The following RANBP2 variants were observed in gnomAD, a reference collection of about 807,000 sequenced individuals.
The protein encoded by RANBP2 is E3 SUMO-protein ligase RanBP2.
In RANBP2, 57 loss-of-function variants were observed where a neutral mutation model predicts 303.6. The observed-to-expected ratio is 0.19, with a 90% confidence interval of 0.15 to 0.23. The LOEUF is 0.23. RANBP2 is among the 10% of genes least tolerant of loss of function. The pLI is 1.00. For synonymous variants in RANBP2, 1,167 were observed against 1,301.5 expected, an observed-to-expected ratio of 0.90 and a Z score of 2.23; for missense variants, 3,138 against 3,780.8, an observed-to-expected ratio of 0.83 and a Z score of 4.46.
chr2:109,600,920 A>T, the RANBP2 span, among the ~76,000 whole-genome samples: 4 of 152,262 alleles, frequency 2.6e-5, no homozygotes, highest in African/African-American at 9.6e-5. Context: ...AGATACAAAT[A>T]AACAGCCAGA....
the RANBP2 span, among the ~76,000 whole-genome samples, chr2:109,339,732 A>G: frequency 1.3e-5 from 2 of 152,210 alleles, no homozygotes; most frequent in African/African-American, 4.8e-5. Context: ...GCCTGGGAAC[A>G]CTGCAAATAC....
chr2:109,456,151 C>T, the RANBP2 span, among the ~76,000 whole-genome samples: 3 of 152,202 alleles, frequency 2.0e-5, no homozygotes, highest in Non-Finnish European at 4.4e-5. Context: ...TCATGGTCAG[C>T]CATGGGCCAT....
the RANBP2 span, among the ~76,000 whole-genome samples, chr2:109,367,493 G>A: frequency 6.6e-6 from 1 of 151,456 alleles, no homozygotes; most frequent in Non-Finnish European, 1.5e-5. Context: ...TGTCGGCCAG[G>A]CTAGTCTTGA....
At chr2:108,771,645 A>G in intron 20 of RANBP2, 56 bp from the exon 21 acceptor site, 2 of 1,600,456 alleles carry the variant, frequency 1.2e-6, no homozygotes, top group Non-Finnish European at 8.5e-7. Flanking sequence ...CAGTTAGAGT[A>G]TTAACGTCAA....
chr2:109,641,012 G>A, the RANBP2 span, among the ~76,000 whole-genome samples: 1 of 150,462 alleles, frequency 6.6e-6, no homozygotes, highest in African/African-American at 2.5e-5. Flanking sequence ...TAGATATTTG[G>A]GATGTCTAAA....
chr2:108,975,702 T>C, the RANBP2 span, among the ~76,000 whole-genome samples: 1 of 152,100 alleles, frequency 6.6e-6, no homozygotes, highest in Admixed American at 6.6e-5. Flanking sequence ...GCCAGAGCCC[T>C]GTGGTGGTCG....
the RANBP2 span, among the ~76,000 whole-genome samples, chr2:108,972,118 C>T: frequency 5.3e-5 from 8 of 152,354 alleles, no homozygotes; most frequent in Middle Eastern, 3.4e-3. Context: ...CCAGCGGAGC[C>T]GCTCCCTGAT....
chr2:109,199,980 G>A, the RANBP2 span, among the ~76,000 whole-genome samples: 2 of 151,796 alleles, frequency 1.3e-5, no homozygotes, highest in African/African-American at 4.9e-5. Flanking sequence ...GACAGTTTTG[G>A]TTGTCACAGC....
the RANBP2 span, among the ~76,000 whole-genome samples, chr2:109,125,616 G>T: frequency 6.6e-6 from 1 of 152,170 alleles, no homozygotes; most frequent in Admixed American, 6.5e-5. Flanking sequence ...GAAGGCATCC[G>T]AAGATTTCGT....
the RANBP2 span, among the ~76,000 whole-genome samples, chr2:108,828,174 A>G: frequency 5.3e-5 from 8 of 152,230 alleles, no homozygotes; most frequent in Non-Finnish European, 1.2e-4. Context: ...TATATTGTAG[A>G]TAAATATTTG....
the RANBP2 span, among the ~76,000 whole-genome samples, chr2:109,163,490 C>T: frequency 1.4e-5 from 2 of 145,498 alleles, no homozygotes; most frequent in East Asian, 4.1e-4. Context: ...GCTCCGCCTC[C>T]CGGGTTCACG....
chr2:109,109,547 C>T, the RANBP2 span, among the ~76,000 whole-genome samples: 2 of 152,142 alleles, frequency 1.3e-5, no homozygotes, highest in Non-Finnish European at 2.9e-5. Context: ...TTTTTAATGA[C>T]CAGTTATTTA....
chr2:109,275,439 C>T, the RANBP2 span, among the ~76,000 whole-genome samples: 27 of 152,284 alleles, frequency 1.8e-4, no homozygotes, highest in Admixed American at 6.5e-4. Flanking sequence ...GGACCGACAC[C>T]GGAAGTCTGC....
chr2:109,483,206 A>G, the RANBP2 span, among the ~76,000 whole-genome samples: 1 of 152,364 alleles, frequency 6.6e-6, no homozygotes, highest in Middle Eastern at 3.4e-3. Flanking sequence ...CATCTCCGAC[A>G]GGAAAATTTC....
At chr2:109,676,577 C>T in the RANBP2 span, among the ~76,000 whole-genome samples, 2 of 152,188 alleles carry the variant, frequency 1.3e-5, no homozygotes, top group Non-Finnish European at 2.9e-5. Context: ...GGCAAAGCAC[C>T]TCGGGGCAGC....
chr2:109,594,731 A>G, the RANBP2 span: 1 of 152,412 alleles, frequency 6.6e-6, no homozygotes, highest in African/African-American at 2.4e-5. Flanking sequence ...GCGCATGCAC[A>G]CACGCACATG....
chr2:108,751,546 G>A lies in RANBP2; in HGVS notation c.1474G>A (p.Val492Ile), dbSNP rs1055468338. ...AAAACAGGTATTTCTCCTTGGAGTA[G>A]TATATACCAGCCACTTACAATTAAA... The part of the protein sequence containing the change: ...LDLEVFLLGV[V>I]YTSHLQLKEK... Residue 492 changes from valine (V) to isoleucine (I), a missense_variant, in exon 11 of 29, where the codon GTA becomes ATA. By Grantham distance (29) the Val-to-Ile change is conservative. Coordinates refer to ENST00000283195, the MANE Select transcript of RANBP2 (RefSeq NM_006267.5). The A allele has an allele frequency of 1.2e-6, 2 of 1,610,486 alleles. No homozygotes were observed. The highest frequency in any genetic ancestry group is 1.7e-5 in the Admixed American group (1 of 59,846).
the RANBP2 span, among the ~76,000 whole-genome samples, chr2:109,652,468 G>A: frequency 1.6e-4 from 24 of 152,122 alleles, no homozygotes; most frequent in South Asian, 4.1e-4. Context: ...TTCGTGATCC[G>A]CCCACCTCGG....
the RANBP2 span, among the ~76,000 whole-genome samples, chr2:109,761,258 C>T: frequency 6.7e-6 from 1 of 148,460 alleles, no homozygotes; most frequent in Non-Finnish European, 1.5e-5. Flanking sequence ...CGGCTGCATC[C>T]TTTCTGTCTC....
Sources: gnomAD v4.1 joint callset for allele counts (sites outside exome capture counted in the v4.1 genomes callset) on GRCh38, gnomAD v4.1.1 for gene constraint, MANE v1.5 for transcripts, NCBI Gene and HGNC (gene_info 2026-07-23, HGNC 2026-07-21) for gene names.